Variants in SLC4A10 observed in about 807,000 individuals in gnomAD.
SLC4A10 encodes sodium-driven chloride bicarbonate exchanger.
Under a neutral mutation model 137.7 loss-of-function variants are expected in SLC4A10, and 42 were observed. The observed-to-expected ratio is 0.30, with a 90% CI of 0.24 to 0.39. The LOEUF (loss-of-function observed/expected upper bound fraction) is 0.39, where lower values mean the gene tolerates loss of function less well. SLC4A10 is among the 10% of genes least tolerant of loss of function. SLC4A10 has a pLI of 1.00. For missense variants in SLC4A10, 925 were observed against 1,355.0 expected, an observed-to-expected ratio of 0.68 and a Z score of 4.98; for synonymous variants, 474 against 464.1, an observed-to-expected ratio of 1.02 and a Z score of -0.27.
At chr2:161,873,284 A>G (rs1416551036) in intron 7 of SLC4A10, among the ~76,000 whole-genome samples, 2 of 152,154 alleles carry the variant, frequency 1.3e-5, no homozygotes, top group Non-Finnish European at 2.9e-5. Context: ...AAAATGAGTC[A>G]GTGACAATGA....
chr2:161,766,942 A>G (rs181165414), intron 1 of SLC4A10, among the ~76,000 whole-genome samples: 32 of 151,274 alleles, frequency 2.1e-4, no homozygotes, highest in Admixed American at 1.2e-3. Flanking sequence ...GCTAAAAAAC[A>G]TATCTTTCCA....
At chr2:161,716,881 C>G (rs1422353484) in intron 1 of SLC4A10, among the ~76,000 whole-genome samples, 4 of 152,054 alleles carry the variant, frequency 2.6e-5, no homozygotes, top group Non-Finnish European at 5.9e-5. Flanking sequence ...CTATAAATTA[C>G]TTTGGGCAGT....
intron 1 of SLC4A10, among the ~76,000 whole-genome samples, chr2:161,625,424 A>AC (rs2032128997): frequency 6.6e-6 from 1 of 151,760 alleles, no homozygotes; most frequent in African/African-American, 2.4e-5. Context: ...GAAAAAAAAA[A>AC]CCCAGTATTT....
intron 3 of SLC4A10, among the ~76,000 whole-genome samples, chr2:161,808,322 AGT>A (rs1397933806): frequency 6.6e-6 from 1 of 151,626 alleles, no homozygotes; most frequent in Non-Finnish European, 1.5e-5. Context: ...CTGACATTGA[AGT>A]GTTTATTTTA....
intron 1 of SLC4A10, among the ~76,000 whole-genome samples, chr2:161,685,358 CA>C (rs2041270761): frequency 6.6e-6 from 1 of 152,122 alleles, no homozygotes; most frequent in Non-Finnish European, 1.5e-5. Context: ...GTAATCCCAG[CA>C]CTTTGGGAGG....
At chr2:161,654,913 T>C (rs1319688977) in intron 1 of SLC4A10, among the ~76,000 whole-genome samples, 1 of 152,156 alleles carries the variant, frequency 6.6e-6, no homozygotes, top group African/African-American at 2.4e-5. Flanking sequence ...TGTAAAAAAA[T>C]GCCATTGGGA....
intron 1 of SLC4A10, among the ~76,000 whole-genome samples, chr2:161,673,288 C>T (rs1214887583): frequency 6.6e-6 from 1 of 152,076 alleles, no homozygotes; most frequent in African/African-American, 2.4e-5. Flanking sequence ...TCACTTGATT[C>T]CAGTTGATGA....
intron 3 of SLC4A10, among the ~76,000 whole-genome samples, chr2:161,817,138 C>T (rs1191859855): frequency 6.6e-6 from 1 of 152,114 alleles, no homozygotes; most frequent in Non-Finnish European, 1.5e-5. Flanking sequence ...CTCTCCAGCA[C>T]CTGTTGTTTC....
At chr2:161,694,229 G>A (rs1049413451) in intron 1 of SLC4A10, among the ~76,000 whole-genome samples, 1 of 151,744 alleles carries the variant, frequency 6.6e-6, no homozygotes, top group Non-Finnish European at 1.5e-5. Context: ...TTGCATTTAG[G>A]GATTAATGAT....
At chr2:161,920,177 C>G (rs1687865476) in intron 15 of SLC4A10, among the ~76,000 whole-genome samples, 1 of 152,226 alleles carries the variant, frequency 6.6e-6, no homozygotes, top group Non-Finnish European at 1.5e-5. Flanking sequence ...CACAACCTGC[C>G]AGGCCTAGTG....
At chr2:161,624,775 T>C (rs1345125402) in intron 1 of SLC4A10, among the ~76,000 whole-genome samples, 1 of 151,694 alleles carries the variant, frequency 6.6e-6, no homozygotes, top group Non-Finnish European at 1.5e-5. Context: ...TCAATATGGA[T>C]GCACTACGGT....
At chr2:161,717,799 G>A (rs573160483) in intron 1 of SLC4A10, among the ~76,000 whole-genome samples, 6 of 152,060 alleles carry the variant, frequency 3.9e-5, no homozygotes, top group Non-Finnish European at 7.4e-5. Flanking sequence ...GGATGACGCT[G>A]GCCTCATAAA....
At chr2:161,755,570 T>C (rs992286702) in intron 1 of SLC4A10, among the ~76,000 whole-genome samples, 1 of 152,188 alleles carries the variant, frequency 6.6e-6, no homozygotes, top group Admixed American at 6.6e-5. Context: ...TTTTCTCACA[T>C]ACTCACAAAT....
At chr2:161,886,070 G>A (rs185809809) in intron 10 of SLC4A10, among the ~76,000 whole-genome samples, 5 of 152,286 alleles carry the variant, frequency 3.3e-5, no homozygotes, top group Non-Finnish European at 5.9e-5. Context: ...CTGCACTCCA[G>A]CCTGGGCAAT....
rs190151126 is a variant in SLC4A10, at chr2:161,940,837, C to T, written c.1998-1955C>T. Among the ~76,000 whole-genome samples the T allele has an allele frequency of 3.0e-3, 457 of 152,236 alleles. 4 individuals are homozygous for T. The Middle Eastern group carries it at 0.037, about 12-fold the overall frequency. On this transcript the variant is annotated intron_variant, in intron 15 of 26. Transcript: ENST00000446997. The stretch of plus-strand genomic sequence containing the variant: ...GACCACAGCAGGCAGGGCACTGTGG[C>T]TTACACCTGTAATCCCAGCCCTTTG...
At chr2:161,721,498 TG>T (rs2045670552) in intron 1 of SLC4A10, among the ~76,000 whole-genome samples, 2 of 152,230 alleles carry the variant, frequency 1.3e-5, no homozygotes, top group Admixed American at 1.3e-4. Context: ...TCTTTAAGAC[TG>T]TTGAATATTG....
At chr2:161,683,785 AC>A (rs2124847258) in intron 1 of SLC4A10, among the ~76,000 whole-genome samples, 1 of 152,290 alleles carries the variant, frequency 6.6e-6, no homozygotes, top group East Asian at 1.9e-4. Context: ...GGTAGGGAAA[AC>A]AAAAGTAAAA....
intron 4 of SLC4A10, among the ~76,000 whole-genome samples, chr2:161,853,796 T>A (rs2059957031): frequency 6.6e-6 from 1 of 152,190 alleles, no homozygotes; most frequent in Non-Finnish European, 1.5e-5. Flanking sequence ...TCTTTTCTAT[T>A]GGCTTCCTTT....
rs907346004 is a variant in SLC4A10 at position 161,678,243 on chromosome 2, A to G, written c.48+53677A>G. The stretch of plus-strand genomic sequence containing the variant: ...GTGACAAGGTACAAAATGAGAATAG[A>G]GCATTGCATTTGAACTCAGAAGACT... On this transcript the variant is annotated intron_variant, in intron 1 of 26. Transcript: ENST00000446997. 4.6e-5 allele frequency among the ~76,000 whole-genome samples: 7 copies of G among 152,134 alleles called. No individual in the cohort carries two copies. In the East Asian group the frequency reaches 5.8e-4, roughly 13 times the overall value.
Sources: allele counts gnomAD v4.1 joint callset (sites outside exome capture counted in the v4.1 genomes callset), GRCh38; gene constraint gnomAD v4.1.1; transcripts MANE v1.5; gene names NCBI Gene and HGNC (gene_info 2026-07-23, HGNC 2026-07-21).